USP34: variants seen among roughly 807,000 people sequenced by gnomAD.
USP34 encodes the protein ubiquitin carboxyl-terminal hydrolase 34.
USP34 carries 70 observed loss-of-function variants against 460.3 expected under a neutral mutation model. The observed-to-expected ratio is 0.15, with a 90% CI of 0.13 to 0.19. The LOEUF is 0.19. USP34 is among the 10% of genes least tolerant of loss of function. The pLI is 1.00. For missense variants in USP34, 3,985 were observed against 4,236.2 expected (o/e 0.94, Z 1.65); for synonymous variants, 1,647 against 1,405.3 (o/e 1.17, Z -3.85).
At chr2:61,282,354 T>C (rs1020882666) in intron 37 of USP34, among the ~76,000 whole-genome samples, 3 of 152,336 alleles carry the variant, frequency 2.0e-5, no homozygotes, top group African/African-American at 7.2e-5. Context: ...TGTGTGTTTC[T>C]ATTATTTCAC....
chr2:61,327,182 C>T (rs1458045920), intron 20 of USP34, among the ~76,000 whole-genome samples: 1 of 152,192 alleles, frequency 6.6e-6, no homozygotes, highest in Non-Finnish European at 1.5e-5. Context: ...AAATTCATTA[C>T]TGAAGTTTTA....
chr2:61,312,121 G>C (rs150441089), intron 25 of USP34, among the ~76,000 whole-genome samples: 2,295 of 150,408 alleles, frequency 0.015, 33 homozygotes, highest in Non-Finnish European at 0.025. Context: ...TAACAAAATA[G>C]TCACCACGAG....
chr2:61,465,821 C>T (rs952816196), intron 1 of USP34, among the ~76,000 whole-genome samples: 2 of 151,652 alleles, frequency 1.3e-5, no homozygotes, highest in African/African-American at 2.4e-5. Context: ...ACTAAATATA[C>T]AAAAAATTAG....
At chr2:61,282,123 G>A (rs986451408) in intron 37 of USP34, among the ~76,000 whole-genome samples, 1 of 152,126 alleles carries the variant, frequency 6.6e-6, no homozygotes, top group Non-Finnish European at 1.5e-5. Flanking sequence ...CCGAGTAACT[G>A]AGATTACAGG....
intron 41 of USP34, among the ~76,000 whole-genome samples, chr2:61,274,443 G>GAA (rs199607185): frequency 3.6e-4 from 46 of 126,766 alleles, no homozygotes; most frequent in African/African-American, 1.2e-3. Flanking sequence ...AGTCAAGACA[G>GAA]AAAAAAAAAA....
At chr2:61,273,932 A>G (rs1386188418) in intron 41 of USP34, among the ~76,000 whole-genome samples, 1 of 152,176 alleles carries the variant, frequency 6.6e-6, no homozygotes, top group East Asian at 1.9e-4. Flanking sequence ...AAAGTTATCC[A>G]TTTCATTCCT....
rs146694562 is a variant in USP34 at position 61,466,253 on chromosome 2, C to T, written c.43+4397G>A. The stretch of plus-strand genomic sequence containing the variant: ...CAGCCTGGCCAACGTGGTGAAACCC[C>T]ATCTCTACTAAAAATACAAAAATTA... On this transcript the variant is annotated intron_variant, in intron 1 of 79. Transcript: ENST00000398571. 6.7e-3 allele frequency among the ~76,000 whole-genome samples: 1,023 copies of T among 151,990 alleles called. 16 individuals are homozygous for T. The highest frequency in any genetic ancestry group is 0.023 in the African/African-American group (940 of 41,468).
chr2:61,233,092 T>G (rs1237716036), intron 57 of USP34, among the ~76,000 whole-genome samples: 1 of 152,086 alleles, frequency 6.6e-6, no homozygotes, highest in Non-Finnish European at 1.5e-5. Flanking sequence ...ACTCCTGACC[T>G]CAGGTGATCT....
rs1255296152 is a variant in USP34 at position 61,325,452 on chromosome 2, C to T, written c.2936G>A (p.Ser979Asn). The T allele has an allele frequency of 2.0e-6, 3 of 1,524,198 alleles. No individual in the cohort carries two copies. The highest frequency in any genetic ancestry group is 8.7e-7 in the Non-Finnish European group (1 of 1,144,626). The allele number at this position is 1,524,198 out of a possible 1,614,324, so 94.4% of individuals were successfully genotyped here. A position where few individuals can be genotyped will look rare whatever the true frequency, so the allele number is the denominator to read the frequency against. The change falls in exon 21 of 80, where the codon AGC becomes AAC. Residue 979 changes from serine (S) to asparagine (N), a missense_variant. This residue lies in a region of USP34 where 1,114 missense variants were observed against 1,122.5 expected (regional missense o/e 0.99). Coordinates refer to ENST00000398571, the MANE Select transcript of USP34 (RefSeq NM_014709.4). ...ACGAACTTGAACTTCAGCACTATGG[C>T]TGTACCTATAATTTAAAAGTCATTA... ...REGRQKHALY[S>N]HSAEVQVRLQ... is the part of the protein sequence containing the mutation.
intron 27 of USP34, among the ~76,000 whole-genome samples, chr2:61,303,269 T>A (rs1248149646): frequency 6.6e-6 from 1 of 152,150 alleles, no homozygotes; most frequent in African/African-American, 2.4e-5. Context: ...TTTCTCCATG[T>A]TGGCCAGGCT....
intron 59 of USP34, 86 bp downstream of exon 59, chr2:61,229,462 A>AC (rs1429425307): frequency 1.9e-5 from 13 of 685,110 alleles, no homozygotes; most frequent in Admixed American, 4.2e-5. Flanking sequence ...TCTCTTAAAA[A>AC]AAAAAAAAAA....
At chr2:61,379,680 G>C (rs1336471331) in intron 7 of USP34, among the ~76,000 whole-genome samples, 1 of 152,158 alleles carries the variant, frequency 6.6e-6, no homozygotes, top group Admixed American at 6.5e-5. Flanking sequence ...AAGAATACCA[G>C]GCCTTCTTCC....
At chr2:61,430,037 C>T (rs989917518) in intron 1 of USP34, among the ~76,000 whole-genome samples, 1 of 151,908 alleles carries the variant, frequency 6.6e-6, no homozygotes, top group South Asian at 2.1e-4. Flanking sequence ...CACGGTGAAA[C>T]CCCCCGTCTC....
intron 3 of USP34, among the ~76,000 whole-genome samples, chr2:61,399,874 C>CAAAATAAAAAAAAAAAA (rs1693658352): frequency 1.4e-5 from 1 of 69,984 alleles, no homozygotes; most frequent in African/African-American, 5.8e-5. Context: ...CACTGTCTCC[C>CAAAATAAAAAAAAAAAA]AAAAAAAAAA....
intron 53 of USP34, among the ~76,000 whole-genome samples, chr2:61,240,865 C>A (rs1451258782): frequency 3.3e-5 from 5 of 152,148 alleles, no homozygotes; most frequent in African/African-American, 1.2e-4. Context: ...TGAGCCACTG[C>A]GCCTGGGTGT....
At chr2:61,217,041 C>A (rs1486074686) in intron 67 of USP34, among the ~76,000 whole-genome samples, 1 of 151,276 alleles carries the variant, frequency 6.6e-6, no homozygotes, top group Non-Finnish European at 1.5e-5. Context: ...AGACCTACCA[C>A]CGAGATTCTA....
intron 1 of USP34, among the ~76,000 whole-genome samples, chr2:61,467,082 G>C (rs948786319): frequency 4.0e-5 from 6 of 151,872 alleles, no homozygotes; most frequent in African/African-American, 1.5e-4. Flanking sequence ...GAAGCGGGTA[G>C]ATCACACGGT....
At chr2:61,403,992 C>CAA (rs71405114) in intron 3 of USP34, among the ~76,000 whole-genome samples, 493 of 29,098 alleles carry the variant, frequency 0.017, 90 homozygotes, top group East Asian at 0.084. Context: ...GACTCTATCT[C>CAA]AAAAAAAAAA....
At position 61,241,599 on chromosome 2, in the gene USP34, G is replaced by A. The variant is rs1688261449; in HGVS notation, c.6738C>T (p.Gly2246=). 1 of 1,610,110 alleles carries A rather than the reference G, an allele frequency of 6.2e-7. No individual in the cohort carries two copies. The highest frequency in any genetic ancestry group is 1.3e-5 in the African/African-American group (1 of 74,558). Residue 2246 remains glycine, a synonymous_variant, in exon 53 of 80, where the codon GGC becomes GGT. Coordinates refer to ENST00000398571, the MANE Select transcript of USP34 (RefSeq NM_014709.4). The part of the protein sequence containing the change: ...YKRMEPEEEN[G]REYKFDVSSE... ...ACGAAACATCAAATTTGTATTCTCTGCCATTTTCTTCCTCTGGTTCCATGC... is the reference window on the plus strand; with the variant it reads ...ACGAAACATCAAATTTGTATTCTCTACCATTTTCTTCCTCTGGTTCCATGC...
Sources: allele counts gnomAD v4.1 joint callset (sites outside exome capture counted in the v4.1 genomes callset), GRCh38; gene constraint gnomAD v4.1.1; regional missense constraint gnomAD v4.1.1; transcripts MANE v1.5; gene names NCBI Gene and HGNC (gene_info 2026-07-23, HGNC 2026-07-21).